The following FGF13 variants were observed in gnomAD, a reference collection of about 807,000 sequenced individuals.
FGF13 encodes the protein fibroblast growth factor homologous factor 2.
A neutral mutation model predicts 19.5 loss-of-function variants in FGF13; 2 were observed. The ratio of observed to expected loss-of-function variants is 0.10; its 90% CI spans 0.04 to 0.32. The LOEUF (loss-of-function observed/expected upper bound fraction) is 0.32. FGF13 is among the 10% of genes least tolerant of loss of function. The pLI is 1.00. For synonymous variants in FGF13, 72 were observed against 76.9 expected (o/e 0.94, Z 0.33); for missense variants, 113 against 192.7 (o/e 0.59, Z 2.45).
intron 3 of FGF13, among the ~76,000 whole-genome samples, chrX:138,836,325 C>T (rs763469463): frequency 1.8e-5 from 2 of 111,882 alleles, no homozygotes; most frequent in Non-Finnish European, 3.8e-5. Flanking sequence ...GTACATCAAT[C>T]GGTTGCAGAT....
intron 1 of FGF13, among the ~76,000 whole-genome samples, chrX:138,924,314 C>G (rs759743874): frequency 7.2e-5 from 8 of 111,469 alleles, no homozygotes; most frequent in Admixed American, 6.7e-4. Flanking sequence ...TATTGTCAGA[C>G]AGGTTTTTCC....
chrX:138,748,789 A>C (rs1025747541), intron 3 of FGF13, among the ~76,000 whole-genome samples: 3 of 111,973 alleles, frequency 2.7e-5, no homozygotes, highest in Non-Finnish European at 5.6e-5. Flanking sequence ...GCTCATAGTT[A>C]ACAATATTGT....
At chrX:138,670,068 C>A (rs769292738) in intron 3 of FGF13, among the ~76,000 whole-genome samples, 2 of 111,656 alleles carry the variant, frequency 1.8e-5, no homozygotes, top group Non-Finnish European at 3.8e-5. Flanking sequence ...AACAAAAAAA[C>A]GTCAAGAATA....
chrX:138,667,152 TA>T (rs2089556557), intron 3 of FGF13, among the ~76,000 whole-genome samples: 2 of 107,749 alleles, frequency 1.9e-5, no homozygotes, highest in Admixed American at 2.0e-4. Flanking sequence ...TATTTATACA[TA>T]TATATAAAAT....
chrX:138,845,782 G>A (rs184577853), intron 3 of FGF13, among the ~76,000 whole-genome samples: 144 of 111,960 alleles, frequency 1.3e-3, no homozygotes, highest in African/African-American at 4.6e-3. Context: ...TACTGAATTA[G>A]TTCATGAATC....
intron 3 of FGF13, among the ~76,000 whole-genome samples, chrX:138,769,704 C>A (rs538309157): frequency 3.6e-5 from 4 of 112,014 alleles, no homozygotes; most frequent in Non-Finnish European, 7.5e-5. Context: ...ACAATCTGAA[C>A]GTGTAAACAA....
upstream of FGF13, among the ~76,000 whole-genome samples, chrX:138,713,822 C>T (rs943632503): frequency 2.7e-5 from 3 of 111,466 alleles, no homozygotes; most frequent in African/African-American, 9.8e-5. Flanking sequence ...ATAAGAATGG[C>T]GGGGGCATTT....
At chrX:138,948,471 T>C (rs992945244) in intron 1 of FGF13, among the ~76,000 whole-genome samples, 1 of 111,800 alleles carries the variant, frequency 8.9e-6, no homozygotes, top group African/African-American at 3.2e-5. Flanking sequence ...TTTGGGAAGA[T>C]GCCCTAGAGG....
At chrX:138,826,226 A>C (rs755785022) in intron 3 of FGF13, among the ~76,000 whole-genome samples, 31 of 111,670 alleles carry the variant, frequency 2.8e-4, no homozygotes, top group Non-Finnish European at 4.9e-4. Context: ...CTGTAACTCT[A>C]GTTTTAGGAT....
chrX:138,692,858 T>C (rs908092237), intron 3 of FGF13, among the ~76,000 whole-genome samples: 2 of 111,179 alleles, frequency 1.8e-5, no homozygotes, highest in Non-Finnish European at 3.8e-5. Context: ...GCTTCAGAGT[T>C]AAAATCATGA....
At position 138,669,232 on chromosome X, in the gene FGF13, A is replaced by T. The variant is rs2089587536; in HGVS notation, c.403-33577T>A. On this transcript the variant is annotated intron_variant, in intron 3 of 4. Transcript: ENST00000315930. ...TCTAGGTCCCCATGGCTTTGGGAAG[A>T]GATAAAATAAATGGAAAAAGAAGAG... Among the ~76,000 whole-genome samples the T allele has an allele frequency of 3.6e-5, 4 of 110,788 alleles. No individual in the cohort carries two copies. The Admixed American group carries it at 3.9e-4, about 11-fold the overall frequency.
chrX:139,075,488 T>C (rs750371991), intron 1 of FGF13, among the ~76,000 whole-genome samples: 1 of 112,203 alleles, frequency 8.9e-6, no homozygotes, highest in Non-Finnish European at 1.9e-5. Context: ...TGTCTCCATA[T>C]ATCCCTCTCA....
At chrX:138,781,529 C>G (rs2090642506) in intron 3 of FGF13, among the ~76,000 whole-genome samples, 1 of 109,804 alleles carries the variant, frequency 9.1e-6, no homozygotes, top group African/African-American at 3.3e-5. Flanking sequence ...TCAGAGAATA[C>G]TACAAACACC....
intron 1 of FGF13, among the ~76,000 whole-genome samples, chrX:139,192,265 G>C (rs1007436211): frequency 9.0e-6 from 1 of 111,627 alleles, no homozygotes. Flanking sequence ...TATTTTTGGA[G>C]TGGATGACTC....
At chrX:138,641,983 C>A (rs1397787594) in intron 3 of FGF13, among the ~76,000 whole-genome samples, 2 of 111,217 alleles carry the variant, frequency 1.8e-5, no homozygotes, top group Non-Finnish European at 3.8e-5. Flanking sequence ...TATGAAGAAA[C>A]TTTGGAAGCT....
At chrX:138,758,877 G>A (rs1435867018) in intron 3 of FGF13, among the ~76,000 whole-genome samples, 3 of 111,793 alleles carry the variant, frequency 2.7e-5, no homozygotes, top group Non-Finnish European at 3.8e-5. Context: ...TAATGAAAGC[G>A]ACTCATGTGA....
chrX:138,843,918 C>T (rs756212478), intron 3 of FGF13, among the ~76,000 whole-genome samples: 1 of 111,856 alleles, frequency 8.9e-6, no homozygotes, highest in South Asian at 3.7e-4. Flanking sequence ...AGGAAGTTAT[C>T]ATTTCCTTAG....
chrX:138,643,564 G>A (rs1159219371), intron 3 of FGF13, among the ~76,000 whole-genome samples: 3 of 112,125 alleles, frequency 2.7e-5, no homozygotes, highest in African/African-American at 9.7e-5. Flanking sequence ...TAACCCTGCA[G>A]AAGGATACGG....
At chrX:138,819,497 C>T (rs148859031) in intron 3 of FGF13, among the ~76,000 whole-genome samples, 193 of 111,604 alleles carry the variant, frequency 1.7e-3, no homozygotes, top group African/African-American at 6.2e-3. Flanking sequence ...ATAAAGCCTC[C>T]AGATCCTTCT....
Sources: allele counts gnomAD v4.1 joint callset (sites outside exome capture counted in the v4.1 genomes callset), GRCh38; gene constraint gnomAD v4.1.1; transcripts MANE v1.5; gene names NCBI Gene and HGNC (gene_info 2026-07-23, HGNC 2026-07-21).